The following BCL2 variants were observed in gnomAD, a reference collection of about 807,000 sequenced individuals.
The protein encoded by BCL2 is apoptosis regulator Bcl-2.
In BCL2, 1 loss-of-function variant was observed where a neutral mutation model predicts 14.2. The ratio of observed to expected loss-of-function variants is 0.07; its 90% CI spans 0.02 to 0.33. BCL2 has a LOEUF of 0.33. Among genes scored for constraint, BCL2 ranks in the 10% least tolerant of loss-of-function variants. The pLI, the probability that BCL2 is intolerant of heterozygous loss-of-function variation, is 0.99. For missense variants in BCL2, 247 were observed against 305.9 expected, an observed-to-expected ratio of 0.81 and a Z score of 1.44; for synonymous variants, 151 against 137.2, an observed-to-expected ratio of 1.10 and a Z score of -0.70.
At chr18:63,238,999 C>A (rs535547552) in intron 2 of BCL2, among the ~76,000 whole-genome samples, 1 of 152,116 alleles carries the variant, frequency 6.6e-6, no homozygotes, top group Non-Finnish European at 1.5e-5. Context: ...CCTGCTACTC[C>A]GGGTAGGGGA....
intron 2 of BCL2, among the ~76,000 whole-genome samples, chr18:63,202,920 C>T (rs529374353): frequency 3.3e-5 from 5 of 152,168 alleles, no homozygotes; most frequent in Non-Finnish European, 5.9e-5. Context: ...TTCTTGCCCC[C>T]GGAGTGGATT....
intron 2 of BCL2, among the ~76,000 whole-genome samples, chr18:63,205,106 T>C (rs1909800485): frequency 1.3e-5 from 2 of 152,060 alleles, no homozygotes; most frequent in Non-Finnish European, 1.5e-5. Flanking sequence ...AATAAGTATT[T>C]TGAAAAAGGG....
chr18:63,305,553 T>C (rs775599011), intron 2 of BCL2, among the ~76,000 whole-genome samples: 5 of 152,154 alleles, frequency 3.3e-5, no homozygotes, highest in African/African-American at 4.8e-5. Flanking sequence ...CCAACAGATA[T>C]GGAATTTTTT....
At chr18:63,194,143 A>G (rs1310631001) in intron 2 of BCL2, among the ~76,000 whole-genome samples, 1 of 152,162 alleles carries the variant, frequency 6.6e-6, no homozygotes, top group Non-Finnish European at 1.5e-5. Flanking sequence ...AACAGGCTGG[A>G]ATTTTTGTCT....
intron 2 of BCL2, among the ~76,000 whole-genome samples, chr18:63,218,782 C>T (rs201464305): frequency 0.016 from 1,339 of 83,188 alleles, no homozygotes; most frequent in Non-Finnish European, 0.021. Flanking sequence ...CCCCATCCTC[C>T]ACTCATCCCC....
intron 2 of BCL2, among the ~76,000 whole-genome samples, chr18:63,240,572 A>G (rs1398671415): frequency 6.6e-6 from 1 of 152,242 alleles, no homozygotes; most frequent in African/African-American, 2.4e-5. Flanking sequence ...GGATACTACA[A>G]TTTATAAAAT....
chr18:63,210,711 T>A (rs1006139573), intron 2 of BCL2, among the ~76,000 whole-genome samples: 4 of 152,244 alleles, frequency 2.6e-5, no homozygotes, highest in Admixed American at 2.6e-4. Context: ...ATAAGCCTTC[T>A]GCTTTCCTTT....
At chr18:63,171,555 C>T (rs575208774) in intron 2 of BCL2, among the ~76,000 whole-genome samples, 25 of 152,330 alleles carry the variant, frequency 1.6e-4, no homozygotes, top group African/African-American at 6.0e-4. Context: ...TGATTGATAA[C>T]ATCTAGTTAT....
At chr18:63,222,059 T>A (rs1016648869) in intron 2 of BCL2, among the ~76,000 whole-genome samples, 2 of 151,914 alleles carry the variant, frequency 1.3e-5, no homozygotes, top group Admixed American at 1.3e-4. Flanking sequence ...GGCAGGCAGA[T>A]CACTTGAGGT....
intron 2 of BCL2, among the ~76,000 whole-genome samples, chr18:63,171,478 G>A (rs754292897): frequency 5.7e-4 from 87 of 152,230 alleles, no homozygotes; most frequent in Non-Finnish European, 1.1e-3. Flanking sequence ...GGAGCATTCA[G>A]AAGGCTTGCA....
At position 63,123,417 on chromosome 18, in the gene BCL2, G is replaced by A. The variant is rs1913824806; in HGVS notation, c.*5208C>T. The A allele has an allele frequency of 5.1e-6, 1 of 197,810 alleles. No individual in the cohort carries two copies. Among genetic ancestry groups the A allele is most frequent in the Non-Finnish European group, 1.0e-5 (1 of 95,552 alleles). The allele number at this position is 197,810 out of a possible 1,614,324, so 12.3% of individuals were successfully genotyped here. A position where few individuals can be genotyped will look rare whatever the true frequency, so the allele number is the denominator to read the frequency against. ...CAGACAAGGAAAGTTTAATGGCAAT[G>A]TGACTTTTTCCAACAACACAAACAA... On this transcript the variant is annotated 3_prime_UTR_variant, in exon 3 of 3. Coordinates refer to ENST00000333681, the MANE Select transcript of BCL2 (RefSeq NM_000633.3).
At chr18:63,142,391 G>T (rs1279317930) in intron 2 of BCL2, among the ~76,000 whole-genome samples, 1 of 152,232 alleles carries the variant, frequency 6.6e-6, no homozygotes, top group Admixed American at 6.5e-5. Context: ...CACTGCATTA[G>T]CTCCAGGGAG....
intron 2 of BCL2, among the ~76,000 whole-genome samples, chr18:63,137,140 C>A (rs540320194): frequency 6.6e-6 from 1 of 152,382 alleles, no homozygotes; most frequent in African/African-American, 2.4e-5. Context: ...GTTCCCAATG[C>A]TCTGGCTCCA....
At chr18:63,308,828 G>T (rs572139498) in intron 2 of BCL2, among the ~76,000 whole-genome samples, 9 of 152,156 alleles carry the variant, frequency 5.9e-5, no homozygotes, top group Admixed American at 2.0e-4. Context: ...AGGATGAATT[G>T]CTCAGAATGC....
chr18:63,202,111 C>G (rs1283620008), intron 2 of BCL2, among the ~76,000 whole-genome samples: 1 of 152,062 alleles, frequency 6.6e-6, no homozygotes, highest in Non-Finnish European at 1.5e-5. Flanking sequence ...GAGTTTCTGA[C>G]CAGCCTGGCG....
At chr18:63,157,189 T>C (rs1402124726) in intron 2 of BCL2, among the ~76,000 whole-genome samples, 2 of 152,220 alleles carry the variant, frequency 1.3e-5, no homozygotes, top group African/African-American at 4.8e-5. Context: ...ACTGAAGGAA[T>C]ATGGTCAAAG....
chr18:63,162,076 G>A (rs1914934806), intron 2 of BCL2, among the ~76,000 whole-genome samples: 1 of 152,130 alleles, frequency 6.6e-6, no homozygotes. Context: ...TCAGACATGA[G>A]CAGCCAGGGA....
chr18:63,247,889 T>A (rs928043990), intron 2 of BCL2, among the ~76,000 whole-genome samples: 3 of 152,188 alleles, frequency 2.0e-5, no homozygotes, highest in Admixed American at 6.5e-5. Flanking sequence ...TATATTTTTT[T>A]AATTACTAAC....
chr18:63,193,575 AGTAT>A lies in BCL2; in HGVS notation c.586-64820_586-64817del, dbSNP rs773896921. 6.2e-4 allele frequency among the ~76,000 whole-genome samples: 80 copies of A among 128,038 alleles called. No individual in the cohort carries two copies. In the South Asian group the frequency reaches 6.3e-3, roughly 10 times the overall value. 84.0% of individuals were successfully genotyped at this position (128,038 alleles called of 152,430 possible). A position where few individuals can be genotyped will look rare whatever the true frequency, so the allele number is the denominator to read the frequency against. ...TATGAAAATATTCTTAAGGCGGAGT[AGTAT>A]GTATGTGTGTGTGTGTGTGTGTGTG... On this transcript the variant is annotated intron_variant, in intron 2 of 2. Coordinates refer to ENST00000333681, the MANE Select transcript of BCL2 (RefSeq NM_000633.3).
Sources: gnomAD v4.1 joint callset for allele counts (sites outside exome capture counted in the v4.1 genomes callset) on GRCh38, gnomAD v4.1.1 for gene constraint, MANE v1.5 for transcripts, NCBI Gene and HGNC (gene_info 2026-07-23, HGNC 2026-07-21) for gene names.